DUSP8: variants seen among roughly 807,000 people sequenced by gnomAD.
The protein encoded by DUSP8 is dual specificity protein phosphatase 8.
DUSP8 carries 15 observed loss-of-function variants against 38.7 expected under a neutral mutation model. The observed-to-expected ratio is 0.39, with a 90% confidence interval of 0.26 to 0.60. The LOEUF is 0.60. Among genes scored for constraint, DUSP8 ranks in the 20% least tolerant of loss-of-function variants. The probability of loss-of-function intolerance (pLI) is 0.56; values close to 1 mark genes in which losing one functional copy is unlikely to be tolerated. For missense variants in DUSP8, 768 were observed against 915.0 expected, an observed-to-expected ratio of 0.84 and a Z score of 2.07; for synonymous variants, 458 against 433.9, an observed-to-expected ratio of 1.06 and a Z score of -0.69.
intron 1 of DUSP8, 128 bp downstream of exon 1, chr11:1,571,773 C>T (rs1489751328): frequency 6.6e-6 from 1 of 150,444 alleles, no homozygotes; most frequent in African/African-American, 2.4e-5. Context: ...GGGGCCGCCT[C>T]CTCCTCCCGG....
chr11:1,565,569 A>G (rs762745581), intron 2 of DUSP8, 27 bp downstream of exon 2: 1 of 1,568,056 alleles, frequency 6.4e-7, no homozygotes, highest in Non-Finnish European at 8.7e-7. Flanking sequence ...GACGTGATGC[A>G]TGCCTGGTGG....
intron 3 of DUSP8, among the ~76,000 whole-genome samples, chr11:1,561,465 C>T (rs964620966): frequency 2.6e-5 from 4 of 152,238 alleles, no homozygotes; most frequent in Admixed American, 1.3e-4. Flanking sequence ...GCAGTGCAGT[C>T]GCCCGGCCAA....
chr11:1,557,578 C>CG lies in DUSP8; in HGVS notation c.822-5dup, dbSNP rs753693414. On this transcript the variant is annotated splice_polypyrimidine_tract_variant and splice_region_variant and intron_variant, in intron 6 of 6. Transcript: ENST00000397374. The surrounding 1 kb of genome is among the most constrained non-coding windows in gnomAD (Gnocchi z 9.9). Reference sequence around the variant, plus strand: ...CGGGCGCCTGTCCTTCACGAACCTGCGGGGGAGGAGGCTCAGTCCCAGGCG... The same window carrying CG: ...CGGGCGCCTGTCCTTCACGAACCTGCGGGGGGAGGAGGCTCAGTCCCAGGCG... The CG allele has an allele frequency of 1.7e-5, 27 of 1,568,160 alleles. No individual in the cohort carries two copies. Among genetic ancestry groups the CG allele is most frequent in the South Asian group, 6.9e-5 (6 of 86,696 alleles).
At chr11:1,572,297 C>T (rs1438361736), upstream of DUSP8, among the ~76,000 whole-genome samples, 4 of 149,370 alleles carry the variant, frequency 2.7e-5, no homozygotes, top group Non-Finnish European at 6.0e-5. The surrounding 1 kb of genome is among the most constrained non-coding windows in gnomAD (Gnocchi z 4.7). Context: ...GAGGGCGGGG[C>T]CGCCGGCGGG....
Position 1,555,249 on chromosome 11 carries a change from A to T in DUSP8, c.*1269T>A. Reference sequence around the variant, plus strand: ...GGGCTGGCATGCCACCTAGAGAGAGAGCACCCTGGGAAAGGGGTGAATGGG... The same window carrying T: ...GGGCTGGCATGCCACCTAGAGAGAGTGCACCCTGGGAAAGGGGTGAATGGG... On this transcript the variant is annotated 3_prime_UTR_variant, in exon 7 of 7. Coordinates refer to ENST00000397374, the MANE Select transcript of DUSP8 (RefSeq NM_004420.3). 1 of 987,752 alleles carries T rather than the reference A, an allele frequency of 1.0e-6. No individual in the cohort carries two copies. The highest frequency in any genetic ancestry group is 1.1e-4 in the East Asian group (1 of 8,792). The allele number at this position is 987,752 out of a possible 1,614,324, so 61.2% of individuals were successfully genotyped here. A position where few individuals can be genotyped will look rare whatever the true frequency, so the allele number is the denominator to read the frequency against.
intron 1 of DUSP8, among the ~76,000 whole-genome samples, chr11:1,569,655 G>A (rs1010730689): frequency 3.9e-5 from 6 of 152,104 alleles, no homozygotes; most frequent in Non-Finnish European, 5.9e-5. Flanking sequence ...CCTGAGCACA[G>A]ACGGGACCAG....
At chr11:1,564,848 TCCCAGCTCTGAACAGGG>T (rs1016425052) in intron 2 of DUSP8, among the ~76,000 whole-genome samples, 1 of 152,180 alleles carries the variant, frequency 6.6e-6, no homozygotes, top group Non-Finnish European at 1.5e-5. Flanking sequence ...TCCTCCCATG[TCCCAGCTCTGAACAGGG>T]CCTATCAGTG....
intron 3 of DUSP8, among the ~76,000 whole-genome samples, chr11:1,562,582 T>C (rs1181037489): frequency 6.6e-6 from 1 of 152,076 alleles, no homozygotes; most frequent in Non-Finnish European, 1.5e-5. Flanking sequence ...TCCATGTATA[T>C]ACATGCATAT....
intron 3 of DUSP8, 86 bp downstream of exon 3, chr11:1,563,765 G>A (rs1848757311): frequency 8.1e-6 from 11 of 1,365,464 alleles, no homozygotes; most frequent in South Asian, 3.2e-5. Flanking sequence ...CGTGCCCAGC[G>A]GACACCTCCC....
chr11:1,556,357 C>T lies in DUSP8; in HGVS notation c.*161G>A. 2.0e-6 allele frequency: 2 copies of T among 1,009,106 alleles called. No individual in the cohort carries two copies. Among genetic ancestry groups the T allele is most frequent in the Non-Finnish European group, 2.5e-6 (2 of 786,146 alleles). 62.5% of individuals were successfully genotyped at this position (1,009,106 alleles called of 1,614,324 possible). On this transcript the variant is annotated 3_prime_UTR_variant, in exon 7 of 7. Coordinates refer to ENST00000397374, the MANE Select transcript of DUSP8 (RefSeq NM_004420.3). This position sits in a 1 kb window ranked among gnomAD's most constrained non-coding sequence, Gnocchi z 5.2. ...GCTCGAGGACCACCCGCACTGTTGCCAAATCATTGCCAGAATGAACAGCTT... is the reference window on the plus strand; with the variant it reads ...GCTCGAGGACCACCCGCACTGTTGCTAAATCATTGCCAGAATGAACAGCTT...
intron 3 of DUSP8, among the ~76,000 whole-genome samples, chr11:1,561,130 T>C (rs1848710659): frequency 6.6e-6 from 1 of 152,006 alleles, no homozygotes; most frequent in Non-Finnish European, 1.5e-5. Context: ...GTGAGGGGTG[T>C]TGGGGTTCAG....
chr11:1,561,221 A>G (rs1848712227), intron 3 of DUSP8, among the ~76,000 whole-genome samples: 1 of 152,032 alleles, frequency 6.6e-6, no homozygotes, highest in Admixed American at 6.5e-5. Flanking sequence ...GCGCCTTCCC[A>G]GTATCCCTGC....
In DUSP8 at chr11:1,559,159, A is replaced by G. The variant is rs567751438; in HGVS notation, c.371-104T>C. On this transcript the variant is annotated intron_variant, in intron 3 of 6. Coordinates refer to ENST00000397374, the MANE Select transcript of DUSP8 (RefSeq NM_004420.3). ...GGCACCCCATCTACTGCTGAGGATC[A>G]GTCACACCCAGCCCAGACCCGAGCC... 4.2e-6 allele frequency: 5 copies of G among 1,181,382 alleles called. No homozygotes were observed. The Admixed American group carries it at 8.2e-5, about 19-fold the overall frequency. The allele number at this position is 1,181,382 out of a possible 1,614,324, so 73.2% of individuals were successfully genotyped here.
At chr11:1,561,855 G>T in intron 3 of DUSP8, among the ~76,000 whole-genome samples, 1 of 152,116 alleles carries the variant, frequency 6.6e-6, no homozygotes, top group East Asian at 1.9e-4. Context: ...GTTCTTCGCA[G>T]AGCCAGCCCA....
At position 1,558,467 on chromosome 11, in the gene DUSP8, G is replaced by A. The variant is rs1320856537; in HGVS notation, c.538-196C>T. Reference sequence around the variant, plus strand: ...CCACCCTGGCACCCTGGGCCCGTGCGGGGGGTGGGGCACGGCTGGCCTCCG... The same window carrying A: ...CCACCCTGGCACCCTGGGCCCGTGCAGGGGGTGGGGCACGGCTGGCCTCCG... On this transcript the variant is annotated intron_variant, in intron 4 of 6. Coordinates refer to ENST00000397374, the MANE Select transcript of DUSP8 (RefSeq NM_004420.3). This position sits in a 1 kb window ranked among gnomAD's most constrained non-coding sequence, Gnocchi z 6.3. 3.3e-5 allele frequency among the ~76,000 whole-genome samples: 5 copies of A among 152,244 alleles called. No homozygotes were observed. Among genetic ancestry groups the A allele is most frequent in the South Asian group, 2.1e-4 (1 of 4,824 alleles).
At chr11:1,566,599 C>CTGCA (rs1038078271) in intron 1 of DUSP8, among the ~76,000 whole-genome samples, 4 of 152,218 alleles carry the variant, frequency 2.6e-5, no homozygotes, top group African/African-American at 9.6e-5. Flanking sequence ...CCCTCCTGAC[C>CTGCA]TGCAGGCTGA....
Position 1,558,620 on chromosome 11 carries a change from C to G in DUSP8, c.537+269G>C, listed in dbSNP as rs1848672112. Among the ~76,000 whole-genome samples the G allele has an allele frequency of 1.3e-5, 2 of 152,168 alleles. No homozygotes were observed. Among genetic ancestry groups the G allele is most frequent in the Non-Finnish European group, 2.9e-5 (2 of 68,014 alleles). ...GGATTCTTTCAGAGCTGGCCAGAGG[C>G]CCAGTGACATCCGCAGCTTGGCATG... On this transcript the variant is annotated intron_variant, in intron 4 of 6. Coordinates refer to ENST00000397374, the MANE Select transcript of DUSP8 (RefSeq NM_004420.3). The surrounding 1 kb of genome is among the most constrained non-coding windows in gnomAD (Gnocchi z 6.3).
At position 1,564,622 on chromosome 11, in the gene DUSP8, C is replaced by T. The variant is rs375437236; in HGVS notation, c.232-633G>A. On this transcript the variant is annotated intron_variant, in intron 2 of 6. Coordinates refer to ENST00000397374, the MANE Select transcript of DUSP8 (RefSeq NM_004420.3). ...TGAGCGGCTTTTGCTCAGACAGCAC[C>T]GGTGCCCCCGCCCTGCAAGCACACA... 4.8e-4 allele frequency among the ~76,000 whole-genome samples: 73 copies of T among 152,326 alleles called. No homozygotes were observed. In the South Asian group the frequency reaches 0.013, roughly 28 times the overall value.
At position 1,557,163 on chromosome 11, in the gene DUSP8, G is replaced by C. The variant is rs761116769; in HGVS notation, c.1233C>G (p.Pro411=). ...AYAPSRRPDG[P]GPPDPGEAPK... ...GGGCCTCGCCGGGGTCGGGGGGCCC[G>C]GGGCCGTCGGGCCGCCTGCTAGGGG... The change falls in exon 7 of 7, where the codon CCC becomes CCG. Residue 411 remains proline (P), a synonymous_variant. Transcript: ENST00000397374. The surrounding 1 kb of genome is among the most constrained non-coding windows in gnomAD (Gnocchi z 9.9). 3.5e-6 allele frequency: 5 copies of C among 1,443,208 alleles called. No homozygotes were observed. The Admixed American group carries it at 8.7e-5, about 25-fold the overall frequency. The allele number at this position is 1,443,208 out of a possible 1,614,324, so 89.4% of individuals were successfully genotyped here. A position where few individuals can be genotyped will look rare whatever the true frequency, so the allele number is the denominator to read the frequency against.
Sources: allele counts gnomAD v4.1 joint callset (sites outside exome capture counted in the v4.1 genomes callset), GRCh38; gene constraint gnomAD v4.1.1; non-coding constraint Gnocchi (gnomAD v3.1); transcripts MANE v1.5; gene names NCBI Gene and HGNC (gene_info 2026-07-23, HGNC 2026-07-21).